DMD: variants seen among roughly 807,000 people sequenced by gnomAD.
The protein encoded by DMD is mutant dystrophin.
DMD carries 63 observed loss-of-function variants against 330.1 expected under a neutral mutation model. The observed-to-expected ratio is 0.19, with a 90% confidence interval of 0.16 to 0.24. DMD has a LOEUF of 0.24. Among genes scored for constraint, DMD ranks in the 10% least tolerant of loss-of-function variants. The pLI is 1.00. For missense variants in DMD, 3,344 were observed against 2,684.1 expected, an observed-to-expected ratio of 1.25 and a Z score of -5.43; for synonymous variants, 1,223 against 959.8, an observed-to-expected ratio of 1.27 and a Z score of -5.07.
intron 25 of DMD, among the ~76,000 whole-genome samples, chrX:32,460,102 G>A (rs1308371479): frequency 9.3e-6 from 1 of 107,094 alleles, no homozygotes; most frequent in African/African-American, 3.6e-5. Flanking sequence ...GAAAAAAATG[G>A]CCAATTAATA....
intron 30 of DMD, among the ~76,000 whole-genome samples, chrX:32,408,395 A>C (rs1262555554): frequency 8.9e-6 from 1 of 112,231 alleles, no homozygotes; most frequent in Non-Finnish European, 1.9e-5. Flanking sequence ...GTGAATGTAA[A>C]GAAGCATCCT....
At chrX:33,163,552 GTATATATA>G (rs781153726) in intron 1 of DMD, among the ~76,000 whole-genome samples, 1 of 91,028 alleles carries the variant, frequency 1.1e-5, no homozygotes, top group African/African-American at 4.2e-5. Flanking sequence ...ATATATGTGT[GTATATATA>G]TATATATATA....
At chrX:31,431,283 T>C (rs1008798275) in intron 60 of DMD, among the ~76,000 whole-genome samples, 1 of 112,012 alleles carries the variant, frequency 8.9e-6, no homozygotes, top group Non-Finnish European at 1.9e-5. Flanking sequence ...AAGCTATAAT[T>C]CAGAGGAATG....
intron 71 of DMD, among the ~76,000 whole-genome samples, chrX:31,173,937 C>T (rs988937411): frequency 7.2e-5 from 8 of 111,116 alleles, no homozygotes; most frequent in Non-Finnish European, 1.5e-4. Context: ...CCTATAATTC[C>T]GAAATTGTGT....
intron 43 of DMD, among the ~76,000 whole-genome samples, chrX:32,276,856 G>T (rs1459586262): frequency 9.1e-6 from 1 of 110,496 alleles, no homozygotes; most frequent in African/African-American, 3.3e-5. Context: ...GGAGGCGGAG[G>T]TTGCAGCGAA....
chrX:31,547,445 T>C (rs1193041057), intron 55 of DMD, among the ~76,000 whole-genome samples: 1 of 112,165 alleles, frequency 8.9e-6, no homozygotes, highest in Non-Finnish European at 1.9e-5. Flanking sequence ...AGAATTAGGC[T>C]CTAAAAACAA....
intron 1 of DMD, among the ~76,000 whole-genome samples, chrX:33,326,619 A>C (rs1314224394): frequency 8.9e-6 from 1 of 111,779 alleles, no homozygotes; most frequent in Non-Finnish European, 1.9e-5. Flanking sequence ...ATGGCAGGGA[A>C]ATTGTTGTAA....
At chrX:31,695,825 TAGAC>T (rs1015705264) in intron 52 of DMD, among the ~76,000 whole-genome samples, 2 of 110,994 alleles carry the variant, frequency 1.8e-5, no homozygotes, top group African/African-American at 3.3e-5. Flanking sequence ...AAGTTCCAGT[TAGAC>T]AGGAGGAATA....
rs190177232 is a variant in DMD, at chrX:31,209,595, T to C, written c.9466A>G (p.Thr3156Ala). Reference protein sequence around the residue: ...DILQIINCLTTIYDRLEQEHN... With the variant: ...DILQIINCLTAIYDRLEQEHN... ...TCTTGCTCCAGGCGGTCATAAATAG[T>C]GGTCAAACAATTAATAATCTGCAGG... The change falls in exon 65 of 79, where the codon ACT becomes GCT. Residue 3156 changes from threonine to alanine, a missense_variant. Transcript: ENST00000357033. 1 of 1,209,619 alleles carries C rather than the reference T, an allele frequency of 8.3e-7. No individual in the cohort carries two copies. Among genetic ancestry groups the C allele is most frequent in the African/African-American group, 1.8e-5 (1 of 57,110 alleles).
intron 1 of DMD, among the ~76,000 whole-genome samples, chrX:33,168,325 G>A (rs976397366): frequency 9.1e-6 from 1 of 110,464 alleles, no homozygotes; most frequent in Non-Finnish European, 1.9e-5. Context: ...AAAGAACGTT[G>A]GGATCCTACA....
intron 44 of DMD, among the ~76,000 whole-genome samples, chrX:31,973,249 G>C (rs1322031326): frequency 9.2e-6 from 1 of 108,492 alleles, no homozygotes; most frequent in Admixed American, 1.0e-4. Context: ...CTAAAATTGG[G>C]GAAATCTAGC....
At chrX:32,282,739 G>A (rs141037704) in intron 43 of DMD, among the ~76,000 whole-genome samples, 3,420 of 112,077 alleles carry the variant, frequency 0.031, 61 homozygotes, top group Non-Finnish European at 0.049. Context: ...ATGACTGAAC[G>A]AGAAATACGC....
intron 44 of DMD, among the ~76,000 whole-genome samples, chrX:32,009,079 C>T (rs145192482): frequency 0.013 from 1,410 of 110,999 alleles, 12 homozygotes; most frequent in Middle Eastern, 0.024. Context: ...GGGAAGGAAG[C>T]TAATCCTATA....
intron 7 of DMD, among the ~76,000 whole-genome samples, chrX:32,794,905 C>G (rs142679321): frequency 0.011 from 1,178 of 111,844 alleles, 11 homozygotes; most frequent in African/African-American, 0.036. Context: ...ATCAAGAAGG[C>G]AAACCTATTT....
At chrX:32,408,160 G>C (rs2098126586) in intron 30 of DMD, among the ~76,000 whole-genome samples, 1 of 111,538 alleles carries the variant, frequency 9.0e-6, no homozygotes, top group Non-Finnish European at 1.9e-5. Context: ...GTTATCTTTT[G>C]AAATAAAATA....
intron 1 of DMD, among the ~76,000 whole-genome samples, chrX:33,022,533 C>G (rs2093932740): frequency 9.1e-6 from 1 of 110,228 alleles, no homozygotes. Context: ...CATATATTTT[C>G]TTCAACATAA....
rs188507446 is a variant in DMD, at chrX:32,985,646, T to C, written c.93+34493A>G. Among the ~76,000 whole-genome samples the C allele has an allele frequency of 1.5e-3, 173 of 111,755 alleles. 1 individual carries two copies. The highest frequency in any genetic ancestry group is 5.1e-3 in the African/African-American group (157 of 30,793). ...TTCTATTACACTCTTCTGATTTGAGTCAAAGAAAATAATTTTCAACATAAT... is the reference window on the plus strand; with the variant it reads ...TTCTATTACACTCTTCTGATTTGAGCCAAAGAAAATAATTTTCAACATAAT... On this transcript the variant is annotated intron_variant, in intron 2 of 78. Coordinates refer to ENST00000357033, the MANE Select transcript of DMD (RefSeq NM_004006.3).
intron 41 of DMD, among the ~76,000 whole-genome samples, chrX:32,323,017 G>C (rs933404343): frequency 8.9e-6 from 1 of 112,062 alleles, no homozygotes; most frequent in African/African-American, 3.2e-5. Flanking sequence ...CTGTATCCAT[G>C]GGTTCCACAT....
At chrX:33,083,233 C>T (rs1018302168) in intron 1 of DMD, among the ~76,000 whole-genome samples, 8 of 112,146 alleles carry the variant, frequency 7.1e-5, no homozygotes, top group African/African-American at 2.6e-4. Flanking sequence ...CACCCTTTAC[C>T]ATTTTATGGA....
Sources: allele counts gnomAD v4.1 joint callset (sites outside exome capture counted in the v4.1 genomes callset), GRCh38; gene constraint gnomAD v4.1.1; transcripts MANE v1.5; gene names NCBI Gene and HGNC (gene_info 2026-07-23, HGNC 2026-07-21).